The following ARHGAP15 variants were observed in gnomAD, a reference collection of about 807,000 sequenced individuals.
ARHGAP15 encodes Rho GTPase activating protein 15.
Under a neutral mutation model 63.7 loss-of-function variants are expected in ARHGAP15, and 51 were observed. The ratio of observed to expected loss-of-function variants is 0.80; its 90% CI spans 0.64 to 1.01. The LOEUF is 1.01. Among genes scored for constraint, ARHGAP15 ranks in the 50% least tolerant of loss-of-function variants. The pLI, the probability that ARHGAP15 is intolerant of heterozygous loss-of-function variation, is 0.00. For missense variants in ARHGAP15, 560 were observed against 564.6 expected (o/e 0.99, Z 0.08); for synonymous variants, 191 against 193.8 (o/e 0.99, Z 0.12).
chr2:143,530,509 A>C (rs1256155767), intron 10 of ARHGAP15, among the ~76,000 whole-genome samples: 1 of 152,172 alleles, frequency 6.6e-6, no homozygotes, highest in Non-Finnish European at 1.5e-5. Context: ...CCAGTGTCAT[A>C]AGAATAGCAC....
chr2:143,493,861 T>G (rs1692697286), intron 9 of ARHGAP15, among the ~76,000 whole-genome samples: 1 of 152,186 alleles, frequency 6.6e-6, no homozygotes, highest in African/African-American at 2.4e-5. Context: ...AAAAATACCT[T>G]CAGTATGCCC....
chr2:143,375,706 G>T (rs190313714), intron 6 of ARHGAP15, among the ~76,000 whole-genome samples: 1 of 152,282 alleles, frequency 6.6e-6, no homozygotes, highest in Admixed American at 6.5e-5. Flanking sequence ...ATAACTTGAA[G>T]ATAAAGAGAG....
chr2:143,632,371 GT>G (rs1680084369), intron 12 of ARHGAP15, among the ~76,000 whole-genome samples: 1 of 151,962 alleles, frequency 6.6e-6, no homozygotes, highest in South Asian at 2.1e-4. Context: ...ATGAATGTAT[GT>G]ATGCATAGGA....
In ARHGAP15 at chr2:143,580,467, T is replaced by C. The variant is rs1485750356; in HGVS notation, c.1003+23982T>C. On this transcript the variant is annotated intron_variant, in intron 11 of 13. Coordinates refer to ENST00000295095, the MANE Select transcript of ARHGAP15 (RefSeq NM_018460.4). ...AGAGAATGGTATGTTTATTTCCACCTCGATGACTTGCCGGTGACAACAGAT... is the reference window on the plus strand; with the variant it reads ...AGAGAATGGTATGTTTATTTCCACCCCGATGACTTGCCGGTGACAACAGAT... 2.0e-5 allele frequency among the ~76,000 whole-genome samples: 3 copies of C among 152,124 alleles called. No homozygotes were observed. In the East Asian group the frequency reaches 5.8e-4, roughly 29 times the overall value.
chr2:143,676,907 T>C (rs910902833), intron 12 of ARHGAP15, among the ~76,000 whole-genome samples: 2 of 152,170 alleles, frequency 1.3e-5, no homozygotes, highest in African/African-American at 4.8e-5. Flanking sequence ...ACCCTCAATA[T>C]CTGCAAAATC....
intron 8 of ARHGAP15, among the ~76,000 whole-genome samples, chr2:143,452,482 G>A (rs185904602): frequency 6.6e-5 from 10 of 151,906 alleles, no homozygotes; most frequent in Non-Finnish European, 5.9e-5. Context: ...TGGATTGGGC[G>A]CATTAACACT....
intron 4 of ARHGAP15, among the ~76,000 whole-genome samples, chr2:143,217,748 A>G (rs1692813880): frequency 6.6e-6 from 1 of 152,192 alleles, no homozygotes; most frequent in African/African-American, 2.4e-5. Context: ...CCTCTCCCCA[A>G]GATGAGTAAG....
At chr2:143,518,243 CTG>C (rs1480853795) in intron 9 of ARHGAP15, among the ~76,000 whole-genome samples, 1 of 152,226 alleles carries the variant, frequency 6.6e-6, no homozygotes, top group East Asian at 1.9e-4. Flanking sequence ...AGGCCAGAGT[CTG>C]TGCAAGCACT....
At chr2:143,174,187 G>T (rs572337805) in intron 2 of ARHGAP15, among the ~76,000 whole-genome samples, 1 of 152,126 alleles carries the variant, frequency 6.6e-6, no homozygotes, top group African/African-American at 2.4e-5. Context: ...TACCAGCTCT[G>T]CCAGGCTCCC....
intron 13 of ARHGAP15, among the ~76,000 whole-genome samples, chr2:143,734,719 G>T (rs1269033927): frequency 6.6e-6 from 1 of 152,134 alleles, no homozygotes; most frequent in Non-Finnish European, 1.5e-5. Context: ...GATGTGCTGC[G>T]CTGATGATAA....
intron 11 of ARHGAP15, among the ~76,000 whole-genome samples, chr2:143,619,687 A>G (rs942256961): frequency 2.6e-5 from 4 of 152,138 alleles, no homozygotes; most frequent in African/African-American, 9.7e-5. Flanking sequence ...AGGTGATTGG[A>G]TCATGAAGAT....
At chr2:143,258,951 C>T (rs1045006218) in intron 6 of ARHGAP15, among the ~76,000 whole-genome samples, 1 of 151,812 alleles carries the variant, frequency 6.6e-6, no homozygotes, top group Non-Finnish European at 1.5e-5. Context: ...TGCTGAAGCA[C>T]CTTGAAAACG....
At chr2:143,232,900 A>AT (rs1303515243) in intron 5 of ARHGAP15, among the ~76,000 whole-genome samples, 8 of 151,274 alleles carry the variant, frequency 5.3e-5, no homozygotes, top group African/African-American at 1.9e-4. Context: ...TTATCATTCC[A>AT]TTTTTTTCTT....
chr2:143,524,854 A>C (rs1219335626), intron 10 of ARHGAP15, among the ~76,000 whole-genome samples: 3 of 152,216 alleles, frequency 2.0e-5, no homozygotes, highest in African/African-American at 7.2e-5. Context: ...TATGCACATG[A>C]ATGTGTTATA....
chr2:143,473,139 A>G (rs959399175), intron 8 of ARHGAP15, among the ~76,000 whole-genome samples: 5 of 152,212 alleles, frequency 3.3e-5, no homozygotes, highest in Non-Finnish European at 7.3e-5. Flanking sequence ...TGAAATGAGA[A>G]AAGAAATATT....
At chr2:143,636,098 G>C (rs1680300978) in intron 12 of ARHGAP15, among the ~76,000 whole-genome samples, 1 of 152,068 alleles carries the variant, frequency 6.6e-6, no homozygotes, top group Admixed American at 6.6e-5. Context: ...TGAGTGTCCA[G>C]CAGGTGAAAG....
chr2:143,189,523 C>CAG (rs33918555), intron 2 of ARHGAP15, among the ~76,000 whole-genome samples: 23,355 of 146,424 alleles, frequency 0.16, 1,996 homozygotes, highest in Middle Eastern at 0.24. Flanking sequence ...TTTTGGGAGA[C>CAG]AGTCTCATTC....
In ARHGAP15 at chr2:143,624,345, TATA is replaced by T; in HGVS notation, c.1138+87_1138+89del. The T allele has an allele frequency of 2.8e-6, 4 of 1,439,322 alleles. No individual in the cohort carries two copies. The South Asian group carries it at 4.5e-5, about 16-fold the overall frequency. 89.2% of individuals were successfully genotyped at this position (1,439,322 alleles called of 1,614,324 possible). A position where few individuals can be genotyped will look rare whatever the true frequency, so the allele number is the denominator to read the frequency against. ...TTATTAAGTAAATAATAAGAATGAT[TATA>T]ATAATAATCATGGGGAACAGATAGT... On this transcript the variant is annotated intron_variant, in intron 12 of 13. Transcript: ENST00000295095.
intron 6 of ARHGAP15, among the ~76,000 whole-genome samples, chr2:143,252,329 C>A (rs1383857045): frequency 6.6e-6 from 1 of 151,986 alleles, no homozygotes; most frequent in Non-Finnish European, 1.5e-5. Flanking sequence ...CAGTGTGTAT[C>A]ATCCCAATCT....
Sources: allele counts gnomAD v4.1 joint callset (sites outside exome capture counted in the v4.1 genomes callset), GRCh38; gene constraint gnomAD v4.1.1; transcripts MANE v1.5; gene names NCBI Gene and HGNC (gene_info 2026-07-23, HGNC 2026-07-21).